ADGRL3: variants seen among roughly 807,000 people sequenced by gnomAD.
ADGRL3 encodes the protein adhesion G protein-coupled receptor L3.
A neutral mutation model predicts 153.5 loss-of-function variants in ADGRL3; 62 were observed. The ratio of observed to expected loss-of-function variants is 0.40; its 90% confidence interval spans 0.33 to 0.50. The LOEUF is 0.50. Ranked by LOEUF, ADGRL3 falls within the 20% of genes least tolerant of loss-of-function variation. The pLI, the probability that ADGRL3 is intolerant of heterozygous loss-of-function variation, is 0.47. For missense variants in ADGRL3, 1,641 were observed against 1,859.4 expected (o/e 0.88, Z 2.16); for synonymous variants, 710 against 672.5 (o/e 1.06, Z -0.86).
rs372869486 is a variant in ADGRL3 at position 61,669,519 on chromosome 4, T to G, written c.474-7307T>G. Among the ~76,000 whole-genome samples, 25 of 152,292 alleles carry G rather than the reference T, an allele frequency of 1.6e-4. 1 individual carries two copies. The highest frequency in any genetic ancestry group is 5.8e-4 in the African/African-American group (24 of 41,572). ...GTTACTGTGATCACCTAAACTATTTTGAGATTTTAAACATTAATATTATAT... is the reference window on the plus strand; with the variant it reads ...GTTACTGTGATCACCTAAACTATTTGGAGATTTTAAACATTAATATTATAT... On this transcript the variant is annotated intron_variant, in intron 5 of 26. Transcript: ENST00000683033.
intron 4 of ADGRL3, among the ~76,000 whole-genome samples, chr4:61,584,375 A>G (rs1354501780): frequency 6.6e-6 from 1 of 152,012 alleles, no homozygotes; most frequent in Non-Finnish European, 1.5e-5. Flanking sequence ...CAAAAGATAC[A>G]TGGAAAATTT....
intron 1 of ADGRL3, among the ~76,000 whole-genome samples, chr4:61,331,956 T>G (rs932793149): frequency 6.6e-6 from 1 of 152,018 alleles, no homozygotes; most frequent in African/African-American, 2.4e-5. Flanking sequence ...TCTGTAGGAG[T>G]GGACAAGTGG....
At chr4:61,460,977 G>A (rs2097806055) in intron 2 of ADGRL3, among the ~76,000 whole-genome samples, 1 of 152,192 alleles carries the variant, frequency 6.6e-6, no homozygotes, top group African/African-American at 2.4e-5. Context: ...GGCTGAGGCA[G>A]GAGAATTGCT....
rs1206300160 is a variant in ADGRL3, at chr4:61,305,338, T to C, written c.-239-77786T>C. ...GAGTTTCTACATTATTATATCATTATAGAAAATTTGTAGCATCTTGTACCT... is the reference window on the plus strand; with the variant it reads ...GAGTTTCTACATTATTATATCATTACAGAAAATTTGTAGCATCTTGTACCT... On this transcript the variant is annotated intron_variant, in intron 1 of 26. Coordinates refer to ENST00000683033, the MANE Select transcript of ADGRL3 (RefSeq NM_001387552.1). Among the ~76,000 whole-genome samples, 10 of 152,300 alleles carry C rather than the reference T, an allele frequency of 6.6e-5. No individual in the cohort carries two copies. In the East Asian group the frequency reaches 1.2e-3, roughly 18 times the overall value.
chr4:61,375,470 T>A (rs1189595784), intron 1 of ADGRL3, among the ~76,000 whole-genome samples: 2 of 152,110 alleles, frequency 1.3e-5, no homozygotes, highest in African/African-American at 4.8e-5. Flanking sequence ...GAGATAAGTA[T>A]CATATGAATC....
chr4:61,771,273 T>C (rs868290682), intron 8 of ADGRL3, among the ~76,000 whole-genome samples: 1 of 152,184 alleles, frequency 6.6e-6, no homozygotes. Context: ...CTGGTATAAA[T>C]GCTTGTGGGG....
chr4:61,762,124 G>T (rs1468558223), intron 8 of ADGRL3, among the ~76,000 whole-genome samples: 4 of 152,264 alleles, frequency 2.6e-5, no homozygotes, highest in South Asian at 4.1e-4. Flanking sequence ...AAGACTTAAA[G>T]TGGTCATGGT....
At chr4:61,837,680 G>A (rs531126181) in intron 9 of ADGRL3, among the ~76,000 whole-genome samples, 3 of 152,178 alleles carry the variant, frequency 2.0e-5, no homozygotes, top group South Asian at 2.1e-4. Flanking sequence ...GAAGTTCTGG[G>A]AAGGCTTCTG....
intron 9 of ADGRL3, among the ~76,000 whole-genome samples, chr4:61,833,534 C>T (rs962406523): frequency 2.6e-5 from 4 of 151,908 alleles, no homozygotes; most frequent in South Asian, 2.1e-4. Flanking sequence ...GCTGTCTTCT[C>T]GGATTGAGTC....
chr4:61,840,268 C>T (rs1337474922), intron 9 of ADGRL3, among the ~76,000 whole-genome samples: 6 of 151,742 alleles, frequency 4.0e-5, no homozygotes, highest in South Asian at 4.2e-4. Flanking sequence ...TTTGTGGAGA[C>T]GGTGTTTCAC....
chr4:61,665,139 G>A (rs1217466858), intron 5 of ADGRL3, among the ~76,000 whole-genome samples: 5 of 152,172 alleles, frequency 3.3e-5, no homozygotes, highest in African/African-American at 7.2e-5. Context: ...TGCCGGGCGC[G>A]GTGGCTCCCG....
At chr4:61,882,142 G>T (rs937395314) in intron 9 of ADGRL3, among the ~76,000 whole-genome samples, 6 of 152,246 alleles carry the variant, frequency 3.9e-5, no homozygotes, top group South Asian at 2.1e-4. Flanking sequence ...ACTGTTCGAG[G>T]TCAGTATATT....
chr4:61,838,562 G>A (rs888480489), intron 9 of ADGRL3, among the ~76,000 whole-genome samples: 2 of 152,086 alleles, frequency 1.3e-5, no homozygotes, highest in Non-Finnish European at 2.9e-5. Flanking sequence ...GTATGATTGA[G>A]TTACTTTGGT....
chr4:62,002,555 A>G (rs2099144136), intron 21 of ADGRL3, among the ~76,000 whole-genome samples: 1 of 152,032 alleles, frequency 6.6e-6, no homozygotes, highest in Non-Finnish European at 1.5e-5. Flanking sequence ...AGAATTCTCT[A>G]GAAAAAATAA....
chr4:61,558,277 C>G (rs1252348900), intron 4 of ADGRL3, among the ~76,000 whole-genome samples: 2 of 150,102 alleles, frequency 1.3e-5, no homozygotes, highest in Admixed American at 6.7e-5. Context: ...TGAAGGTTGA[C>G]AGAATTGTAC....
At chr4:61,661,387 C>G (rs1474191044) in intron 5 of ADGRL3, among the ~76,000 whole-genome samples, 1 of 152,002 alleles carries the variant, frequency 6.6e-6, no homozygotes, top group African/African-American at 2.4e-5. Context: ...ACTCTAACTA[C>G]TATCCTGTAG....
At chr4:61,536,285 G>A (rs1180490111) in intron 4 of ADGRL3, among the ~76,000 whole-genome samples, 5 of 152,144 alleles carry the variant, frequency 3.3e-5, no homozygotes, top group East Asian at 1.9e-4. Context: ...TTATTGAGAC[G>A]TGCTTTATCG....
intron 11 of ADGRL3, among the ~76,000 whole-genome samples, chr4:61,905,066 A>G (rs1033981706): frequency 6.6e-6 from 1 of 152,202 alleles, no homozygotes; most frequent in African/African-American, 2.4e-5. Flanking sequence ...ATATTATTAT[A>G]AGAGTATAAC....
At chr4:61,999,205 T>C (rs966462146) in intron 21 of ADGRL3, among the ~76,000 whole-genome samples, 1 of 152,242 alleles carries the variant, frequency 6.6e-6, no homozygotes, top group Admixed American at 6.5e-5. Flanking sequence ...CAGAAGTCTT[T>C]ATCTATTTAA....
Sources: allele counts gnomAD v4.1 joint callset (sites outside exome capture counted in the v4.1 genomes callset), GRCh38; gene constraint gnomAD v4.1.1; transcripts MANE v1.5; gene names NCBI Gene and HGNC (gene_info 2026-07-23, HGNC 2026-07-21).